WDR75: variants seen among roughly 807,000 people sequenced by gnomAD.
The protein encoded by WDR75 is WD repeat-containing protein 75.
In WDR75, 52 loss-of-function variants were observed where a neutral mutation model predicts 106.1. That is an observed-to-expected ratio of 0.49 (90% confidence interval 0.39 to 0.62). WDR75 has a LOEUF of 0.62. Ranked by LOEUF, WDR75 falls within the 20% of genes least tolerant of loss-of-function variation. The pLI is 0.00. For synonymous variants in WDR75, 333 were observed against 335.5 expected (o/e 0.99, Z 0.08); for missense variants, 905 against 970.3 (o/e 0.93, Z 0.89).
intron 8 of WDR75, among the ~76,000 whole-genome samples, chr2:189,459,868 A>C (rs958012043): frequency 2.6e-5 from 4 of 152,214 alleles, no homozygotes; most frequent in African/African-American, 9.6e-5. Flanking sequence ...TAACTTGCCT[A>C]ACATGACATG....
intron 3 of WDR75, 136 bp from the exon 4 acceptor site, chr2:189,451,669 C>T: frequency 1.5e-6 from 1 of 674,486 alleles, no homozygotes; most frequent in Non-Finnish European, 2.6e-6. Flanking sequence ...TATTAGTTGT[C>T]TTCTGTAGGC....
Position 189,462,683 on chromosome 2 carries a change from C to T in WDR75, c.937+41C>T, listed in dbSNP as rs763811293. On this transcript the variant is annotated intron_variant, in intron 9 of 20. Coordinates refer to ENST00000314761, the MANE Select transcript of WDR75 (RefSeq NM_032168.3). ...TTATTATGAGGAAATATATAAACACCATAAATTAGCTAGCATCTGTAGGGA... is the reference window on the plus strand; with the variant it reads ...TTATTATGAGGAAATATATAAACACTATAAATTAGCTAGCATCTGTAGGGA... 15 of 1,573,630 alleles carry T rather than the reference C, an allele frequency of 9.5e-6. No homozygotes were observed. The South Asian group carries it at 1.2e-4, about 13-fold the overall frequency.
At chr2:189,445,173 C>G (rs983810143) in intron 1 of WDR75, among the ~76,000 whole-genome samples, 4 of 152,156 alleles carry the variant, frequency 2.6e-5, no homozygotes, top group African/African-American at 9.7e-5. Context: ...TTTACAGTGG[C>G]TAACTGTAAG....
intron 4 of WDR75, 80 bp from the exon 5 acceptor site, chr2:189,455,240 C>CAAAGAAAA: frequency 8.1e-7 from 1 of 1,237,092 alleles, no homozygotes. Flanking sequence ...GACTTTGCCT[C>CAAAGAAAA]AAAAAAAAAA....
Position 189,444,468 on chromosome 2 carries a change from C to T in WDR75, c.86+2890C>T, listed in dbSNP as rs768724701. ...GTTTGCATCCCATTCTGCGGCATCCCACAGTTATATGGTGCTGTGAATTAT... is the reference window on the plus strand; with the variant it reads ...GTTTGCATCCCATTCTGCGGCATCCTACAGTTATATGGTGCTGTGAATTAT... On this transcript the variant is annotated intron_variant, in intron 1 of 20. Coordinates refer to ENST00000314761, the MANE Select transcript of WDR75 (RefSeq NM_032168.3). Among the ~76,000 whole-genome samples the T allele has an allele frequency of 3.3e-5, 5 of 152,126 alleles. No homozygotes were observed. In the South Asian group the frequency reaches 1.0e-3, roughly 32 times the overall value.
intron 13 of WDR75, among the ~76,000 whole-genome samples, chr2:189,466,890 G>C (rs1023430837): frequency 2.6e-5 from 4 of 152,048 alleles, no homozygotes; most frequent in Admixed American, 2.0e-4. Context: ...TCCAGGAGAG[G>C]GCATAAATTT....
rs75226747 is a variant in WDR75 at position 189,454,980 on chromosome 2, C to G, written c.374-340C>G. Among the ~76,000 whole-genome samples, 612 of 152,182 alleles carry G rather than the reference C, an allele frequency of 4.0e-3. 7 individuals carry two copies. Among genetic ancestry groups the G allele is most frequent in the African/African-American group, 0.014 (572 of 41,520 alleles). On this transcript the variant is annotated intron_variant, in intron 4 of 20. Transcript: ENST00000314761. ...TTTCATAGGGCCAGGCACAGTGCCTCACACCTATAATAGCAATTTGGGAGG... is the reference window on the plus strand; with the variant it reads ...TTTCATAGGGCCAGGCACAGTGCCTGACACCTATAATAGCAATTTGGGAGG...
Position 189,441,487 on chromosome 2 carries a change from G to A in WDR75, c.-6G>A. On this transcript the variant is annotated 5_prime_UTR_variant, in exon 1 of 21. Coordinates refer to ENST00000314761, the MANE Select transcript of WDR75 (RefSeq NM_032168.3). ...CAGAGATTGGCCATTCCGCTACTGC[G>A]CAAAGATGGTGGAGGAGGAGAACAT... is the stretch of plus-strand genomic sequence containing the variant. 1 of 1,558,954 alleles carries A rather than the reference G, an allele frequency of 6.4e-7. No individual in the cohort carries two copies. Among genetic ancestry groups the A allele is most frequent in the South Asian group, 1.2e-5 (1 of 84,572 alleles).
rs188691323 is a variant in WDR75, at chr2:189,451,462, C to T, written c.283-343C>T. On this transcript the variant is annotated intron_variant, in intron 3 of 20. Coordinates refer to ENST00000314761, the MANE Select transcript of WDR75 (RefSeq NM_032168.3). The stretch of plus-strand genomic sequence containing the variant: ...CTTTTTTACCCAATGAGAGTTAAAA[C>T]TGAAAATCAATAAACACGTTTTGCT... Among the ~76,000 whole-genome samples the T allele has an allele frequency of 4.0e-4, 61 of 152,180 alleles. 1 individual carries two copies. The highest frequency in any genetic ancestry group is 1.2e-3 in the African/African-American group (49 of 41,520).
chr2:189,466,850 T>C (rs1032137048), intron 13 of WDR75, among the ~76,000 whole-genome samples: 1 of 152,162 alleles, frequency 6.6e-6, no homozygotes. Flanking sequence ...AAGAGTCCTT[T>C]CACTCCTCCA....
chr2:189,467,401 G>T (rs751461774), intron 13 of WDR75, 67 bp from the exon 14 acceptor site: 2 of 1,470,186 alleles, frequency 1.4e-6, no homozygotes, highest in African/African-American at 2.9e-5. Flanking sequence ...GGGAAACTAG[G>T]GGGAACTACT....
At position 189,465,100 on chromosome 2, in the gene WDR75, T is replaced by C; in HGVS notation, c.1135T>C (p.Tyr379His). 6.2e-7 allele frequency: 1 copy of C among 1,600,676 alleles called. No homozygotes were observed. Among genetic ancestry groups the C allele is most frequent in the Non-Finnish European group, 8.5e-7 (1 of 1,173,746 alleles). ...TCAGTTAGATATTATACAGCAAGAA[T>C]ATATTAATGATTATGGTCTGATCCA... ...LYNLDIIQQE[Y>H]INDYGLIQIE... is the part of the protein sequence containing the mutation. The change falls in exon 12 of 21, where the codon TAT (tyrosine) becomes CAT (histidine). Residue 379 changes from tyrosine (Y) to histidine (H), a missense_variant. By Grantham distance (83) the Tyr-to-His change is moderately conservative. Transcript: ENST00000314761.
At chr2:189,464,934 T>A (rs1157507165) in intron 11 of WDR75, 145 bp from the exon 12 acceptor site, 1 of 539,530 alleles carries the variant, frequency 1.9e-6, no homozygotes, top group Admixed American at 3.6e-5. Flanking sequence ...AACAATTAGT[T>A]CATTTTTGCC....
At chr2:189,468,954 G>A (rs1231708161) in intron 15 of WDR75, among the ~76,000 whole-genome samples, 2 of 152,122 alleles carry the variant, frequency 1.3e-5, no homozygotes, top group African/African-American at 4.8e-5. Context: ...CCTAACAAAT[G>A]TGAACTTAGT....
chr2:189,451,473 T>C (rs533124788), intron 3 of WDR75, among the ~76,000 whole-genome samples: 7 of 152,288 alleles, frequency 4.6e-5, no homozygotes, highest in Non-Finnish European at 8.8e-5. Flanking sequence ...TGAAAATCAA[T>C]AAACACGTTT....
intron 4 of WDR75, among the ~76,000 whole-genome samples, chr2:189,455,035 G>A (rs559118709): frequency 2.6e-4 from 39 of 152,154 alleles, no homozygotes; most frequent in African/African-American, 7.7e-4. Flanking sequence ...GAGGTCAGGA[G>A]TTCGAGACCA....
chr2:189,452,927 G>A (rs1558982814), intron 4 of WDR75, among the ~76,000 whole-genome samples: 4 of 152,158 alleles, frequency 2.6e-5, no homozygotes, highest in Admixed American at 1.3e-4. Context: ...TGGGAGGCCA[G>A]GGCAGGAGGA....
chr2:189,467,706 T>G, intron 14 of WDR75, 58 bp downstream of exon 14: 3 of 1,454,832 alleles, frequency 2.1e-6, no homozygotes, highest in Non-Finnish European at 2.7e-6. Flanking sequence ...AAACAAGTCT[T>G]AAAACTTTAG....
chr2:189,448,493 CAA>C lies in WDR75; in HGVS notation c.202_203del (p.Asn68GlnfsTer11). 1 of 1,613,876 alleles carries C rather than the reference CAA, an allele frequency of 6.2e-7. No homozygotes were observed. Among genetic ancestry groups the C allele is most frequent in the Non-Finnish European group, 8.5e-7 (1 of 1,179,842 alleles). On this transcript the variant is annotated frameshift_variant, in exon 2 of 21. Coordinates refer to ENST00000314761, the MANE Select transcript of WDR75 (RefSeq NM_032168.3). LOFTEE classifies it high-confidence loss of function. Reference protein sequence around the residue: ...NLVTGIQLNPNNHLQLYSCSL... With the variant: ...NLVTGIQLNPXNHLQLYSCSL... Reference sequence around the variant, plus strand: ...TGGTGACTGGAATCCAGCTTAACCCCAACAACCATCTACAGGTGTCAAACAGT... The same window carrying C: ...TGGTGACTGGAATCCAGCTTAACCCCCAACCATCTACAGGTGTCAAACAGT...
Sources: gnomAD v4.1 joint callset for allele counts (sites outside exome capture counted in the v4.1 genomes callset) on GRCh38, gnomAD v4.1.1 for gene constraint, MANE v1.5 for transcripts, NCBI Gene and HGNC (gene_info 2026-07-23, HGNC 2026-07-21) for gene names.